TAFA2: variants seen among roughly 807,000 people sequenced by gnomAD.
TAFA2 encodes TAFA chemokine like family member 2.
Under a neutral mutation model 18.8 loss-of-function variants are expected in TAFA2, and 7 were observed. The ratio of observed to expected loss-of-function variants is 0.37; its 90% confidence interval spans 0.21 to 0.70. The LOEUF (loss-of-function observed/expected upper bound fraction) is 0.70. Among genes scored for constraint, TAFA2 ranks in the 30% least tolerant of loss-of-function variants. TAFA2 has a pLI of 0.53. For missense variants in TAFA2, 122 were observed against 158.1 expected, an observed-to-expected ratio of 0.77 and a Z score of 1.23; for synonymous variants, 60 against 54.2, an observed-to-expected ratio of 1.11 and a Z score of -0.47.
At chr12:62,146,733 C>T (rs2062284185) in intron 1 of TAFA2, among the ~76,000 whole-genome samples, 1 of 152,106 alleles carries the variant, frequency 6.6e-6, no homozygotes, top group African/African-American at 2.4e-5. Context: ...CAATCCAGGG[C>T]TTTTAGAGGC....
Position 61,870,424 on chromosome 12 carries a change from T to C in TAFA2, c.-1-2998A>G, listed in dbSNP as rs181145509. Among the ~76,000 whole-genome samples, 61 of 152,344 alleles carry C rather than the reference T, an allele frequency of 4.0e-4. 1 individual carries two copies. Among genetic ancestry groups the C allele is most frequent in the East Asian group, 2.9e-3 (15 of 5,176 alleles). On this transcript the variant is annotated intron_variant, in intron 1 of 4. Coordinates refer to ENST00000416284, the MANE Select transcript of TAFA2 (RefSeq NM_178539.5). ...GATAAATTTTGTTGACTAAATGTAATGCATTCTCTATGCTATGGCCAAATA... is the reference window on the plus strand; with the variant it reads ...GATAAATTTTGTTGACTAAATGTAACGCATTCTCTATGCTATGGCCAAATA...
intron 1 of TAFA2, among the ~76,000 whole-genome samples, chr12:61,912,690 A>G (rs2121346114): frequency 6.6e-6 from 1 of 152,312 alleles, no homozygotes; most frequent in Non-Finnish European, 1.5e-5. Context: ...GTCAGCATCC[A>G]AAAGTGGAAA....
intron 1 of TAFA2, chr12:62,234,757 G>C: frequency 9.2e-7 from 1 of 1,088,756 alleles, no homozygotes; most frequent in Non-Finnish European, 1.4e-6. Flanking sequence ...CTGGAGTTCT[G>C]CTCTGCTGTC....
At chr12:61,804,046 T>G (rs569068837) in intron 2 of TAFA2, among the ~76,000 whole-genome samples, 12 of 152,032 alleles carry the variant, frequency 7.9e-5, no homozygotes, top group African/African-American at 2.6e-4. Context: ...AGGAGAGAAA[T>G]AGTACTTAAT....
At chr12:62,137,096 C>T (rs1460579769) in intron 1 of TAFA2, among the ~76,000 whole-genome samples, 1 of 152,098 alleles carries the variant, frequency 6.6e-6, no homozygotes, top group Non-Finnish European at 1.5e-5. Flanking sequence ...AATTTGTCTT[C>T]AATACAATCA....
At chr12:62,002,261 T>C (rs921119543) in intron 1 of TAFA2, among the ~76,000 whole-genome samples, 4 of 152,250 alleles carry the variant, frequency 2.6e-5, no homozygotes, top group African/African-American at 9.6e-5. Flanking sequence ...AGGGAAAATT[T>C]CTGTGAGACA....
intron 2 of TAFA2, among the ~76,000 whole-genome samples, chr12:61,795,021 C>T (rs1462958231): frequency 6.6e-6 from 1 of 152,226 alleles, no homozygotes; most frequent in East Asian, 1.9e-4. Context: ...AAATCAAAAC[C>T]ACAATGAGAT....
chr12:61,791,074 C>T (rs1350719538), intron 2 of TAFA2, among the ~76,000 whole-genome samples: 1 of 151,566 alleles, frequency 6.6e-6, no homozygotes, highest in African/African-American at 2.4e-5. Context: ...CACTGATTTT[C>T]GACAACGGTC....
In TAFA2 at chr12:61,971,437, T is replaced by C. The variant is rs577952684; in HGVS notation, c.-1-104011A>G. Among the ~76,000 whole-genome samples, 5 of 151,754 alleles carry C rather than the reference T, an allele frequency of 3.3e-5. 1 individual carries two copies. The South Asian group carries it at 1.0e-3, about 31-fold the overall frequency. On this transcript the variant is annotated intron_variant, in intron 1 of 4. Coordinates refer to ENST00000416284, the MANE Select transcript of TAFA2 (RefSeq NM_178539.5). ...CACCAACATGGCACATGTATACATATGTAACAAATCTGCACGTTGTGCACA... is the reference window on the plus strand; with the variant it reads ...CACCAACATGGCACATGTATACATACGTAACAAATCTGCACGTTGTGCACA...
chr12:62,001,571 T>A (rs1276332757), intron 1 of TAFA2, among the ~76,000 whole-genome samples: 1 of 152,042 alleles, frequency 6.6e-6, no homozygotes, highest in Non-Finnish European at 1.5e-5. Context: ...GTAGGGTTTG[T>A]GCTCCTATGA....
intron 4 of TAFA2, among the ~76,000 whole-genome samples, chr12:61,724,777 GTGTGTGTGT>G (rs1480073747): frequency 3.7e-5 from 4 of 107,088 alleles, no homozygotes; most frequent in Non-Finnish European, 8.0e-5. Context: ...GTGTGTGTGT[GTGTGTGTGT>G]GTGTGTGTGT....
chr12:62,168,578 C>T (rs536711773), intron 1 of TAFA2, among the ~76,000 whole-genome samples: 1 of 152,248 alleles, frequency 6.6e-6, no homozygotes, highest in South Asian at 2.1e-4. Flanking sequence ...CTCATGCTTA[C>T]AATCCCAGAA....
At chr12:62,025,462 G>T (rs1405210813) in intron 1 of TAFA2, among the ~76,000 whole-genome samples, 2 of 152,130 alleles carry the variant, frequency 1.3e-5, no homozygotes, top group South Asian at 4.2e-4. Context: ...CTTTTTGAAC[G>T]AGAAAAAATT....
chr12:62,031,674 T>C (rs1268299281), intron 1 of TAFA2, among the ~76,000 whole-genome samples: 2 of 152,146 alleles, frequency 1.3e-5, no homozygotes, highest in Non-Finnish European at 2.9e-5. Context: ...TGTATATATA[T>C]ACACTTTGAG....
intron 2 of TAFA2, among the ~76,000 whole-genome samples, chr12:61,787,579 GA>G (rs1870791480): frequency 6.6e-6 from 1 of 151,634 alleles, no homozygotes; most frequent in Admixed American, 6.6e-5. Flanking sequence ...AGAGGAGGAC[GA>G]AAGTCTAGAG....
chr12:61,891,635 CA>C (rs1249414822), intron 1 of TAFA2, among the ~76,000 whole-genome samples: 1 of 150,664 alleles, frequency 6.6e-6, no homozygotes, highest in African/African-American at 2.4e-5. Context: ...GCAACAAGAG[CA>C]AAAACTCTGT....
chr12:61,920,447 C>A (rs1048322609), intron 1 of TAFA2, among the ~76,000 whole-genome samples: 1 of 152,174 alleles, frequency 6.6e-6, no homozygotes, highest in Admixed American at 6.5e-5. Flanking sequence ...AGCAAACAAA[C>A]CTTACTAAAA....
chr12:62,203,669 T>C lies in TAFA2; in HGVS notation c.-130+55094A>G, dbSNP rs565822299. Among the ~76,000 whole-genome samples, 8 of 152,354 alleles carry C rather than the reference T, an allele frequency of 5.3e-5. No individual in the cohort carries two copies. The East Asian group carries it at 1.4e-3, about 26-fold the overall frequency. On this transcript the variant is annotated intron_variant, in intron 1 of 5. Transcript: ENST00000551619. Reference sequence around the variant, plus strand: ...CTAGGATTGCAACCCCTGCTTTTTTTGGCTTTCCATTTGCTTGGGAAATTC... The same window carrying C: ...CTAGGATTGCAACCCCTGCTTTTTTCGGCTTTCCATTTGCTTGGGAAATTC...
At chr12:62,021,640 T>C in intron 1 of TAFA2, 1 of 1,175,736 alleles carries the variant, frequency 8.5e-7, no homozygotes, top group South Asian at 1.2e-5. Flanking sequence ...GATGGGGTGG[T>C]GTGCAGTATC....
Sources: gnomAD v4.1 joint callset for allele counts (sites outside exome capture counted in the v4.1 genomes callset) on GRCh38, gnomAD v4.1.1 for gene constraint, MANE v1.5 for transcripts, NCBI Gene and HGNC (gene_info 2026-07-23, HGNC 2026-07-21) for gene names.